Variants in EXOSC10 observed in about 807,000 individuals in gnomAD.
EXOSC10 encodes exosome complex component 10.
EXOSC10 carries 94 observed loss-of-function variants against 126.6 expected under a neutral mutation model. The ratio of observed to expected loss-of-function variants is 0.74; its 90% CI spans 0.63 to 0.88. The LOEUF (loss-of-function observed/expected upper bound fraction) is 0.88, where lower values mean the gene tolerates loss of function less well. EXOSC10 is among the 40% of genes least tolerant of loss of function. The pLI, the probability that EXOSC10 is intolerant of heterozygous loss-of-function variation, is 0.00. For synonymous variants in EXOSC10, 395 were observed against 400.8 expected (o/e 0.99, Z 0.17); for missense variants, 1,041 against 1,100.5 (o/e 0.95, Z 0.77).
chr1:11,087,996 T>A (rs1385567727), intron 7 of EXOSC10, 86 bp from the exon 8 acceptor site: 2 of 1,248,678 alleles, frequency 1.6e-6, no homozygotes, highest in Non-Finnish European at 2.3e-6. Flanking sequence ...GTTTGAGAAA[T>A]GACCCAAAAC....
intron 2 of EXOSC10, 90 bp from the exon 3 acceptor site, chr1:11,095,971 G>T: frequency 2.2e-6 from 3 of 1,375,020 alleles, no homozygotes; most frequent in Non-Finnish European, 3.0e-6. Flanking sequence ...ATGTGGCTCA[G>T]ACTGTTCCCA....
intron 17 of EXOSC10, among the ~76,000 whole-genome samples, chr1:11,076,016 T>C (rs1273018370): frequency 6.6e-6 from 1 of 151,324 alleles, no homozygotes; most frequent in Non-Finnish European, 1.5e-5. Context: ...ATATAAAATA[T>C]TAGCTAAGTA....
chr1:11,098,235 A>G, intron 1 of EXOSC10, 79 bp from the exon 2 acceptor site: 1 of 1,479,886 alleles, frequency 6.8e-7, no homozygotes, highest in Non-Finnish European at 9.0e-7. Context: ...GATCTATCGT[A>G]TACAAGGTAT....
chr1:11,076,146 C>A (rs1639803921), intron 17 of EXOSC10, among the ~76,000 whole-genome samples: 1 of 152,038 alleles, frequency 6.6e-6, no homozygotes, highest in African/African-American at 2.4e-5. Context: ...GCCTGTGCAA[C>A]AAGAGCGAAA....
intron 10 of EXOSC10, 52 bp from the exon 11 acceptor site, chr1:11,081,290 C>A: frequency 1.3e-6 from 2 of 1,598,940 alleles, no homozygotes; most frequent in South Asian, 2.2e-5. Flanking sequence ...GACAGCAATT[C>A]AATTTGTCTA....
intron 17 of EXOSC10, among the ~76,000 whole-genome samples, chr1:11,075,743 C>T (rs1639772707): frequency 2.0e-5 from 3 of 149,384 alleles, no homozygotes; most frequent in African/African-American, 7.4e-5. Flanking sequence ...CCCAGCTACT[C>T]GAGAGAAGGC....
chr1:11,079,017 TAA>T (rs1408388892), intron 14 of EXOSC10, among the ~76,000 whole-genome samples: 1 of 152,058 alleles, frequency 6.6e-6, no homozygotes, highest in Admixed American at 6.6e-5. Context: ...CCACAAGGAA[TAA>T]GACACTAGCA....
At chr1:11,089,431 G>A in intron 6 of EXOSC10, among the ~76,000 whole-genome samples, 1 of 149,892 alleles carries the variant, frequency 6.7e-6, no homozygotes, top group Middle Eastern at 3.2e-3. Flanking sequence ...CCAACATGAT[G>A]AAACCCTGTC....
chr1:11,075,853 CAAAAAAAA>C lies in EXOSC10; in HGVS notation c.1986+981_1986+988del, dbSNP rs58667041. ...TGGGTGACAGGATGAGATCCTGTCA[CAAAAAAAA>C]AAAAAAAAAAAAAAAAAAAAAATGC... On this transcript the variant is annotated intron_variant, in intron 17 of 24. Transcript: ENST00000376936. Among the ~76,000 whole-genome samples the C allele has an allele frequency of 7.4e-3, 258 of 35,102 alleles. 1 individual carries two copies. The highest frequency in any genetic ancestry group is 0.031 in the African/African-American group (240 of 7,628). The allele number at this position is 35,102 out of a possible 152,430, so 23.0% of individuals were successfully genotyped here.
chr1:11,092,311 T>TTCAA (rs1361903034), intron 3 of EXOSC10, among the ~76,000 whole-genome samples: 1 of 151,874 alleles, frequency 6.6e-6, no homozygotes, highest in African/African-American at 2.4e-5. Flanking sequence ...GCCTCCCGGG[T>TTCAA]TCAAGCGATT....
rs368720572 is a variant in EXOSC10, at chr1:11,084,072, G to C, written c.1090-1194C>G. Among the ~76,000 whole-genome samples, 3 of 152,208 alleles carry C rather than the reference G, an allele frequency of 2.0e-5. No homozygotes were observed. The South Asian group carries it at 6.2e-4, about 32-fold the overall frequency. ...TTCCAAGTCTTTACTATTGTGAATA[G>C]TGCCGCAATAAACATATGTGTGCAT... On this transcript the variant is annotated intron_variant, in intron 9 of 24. Transcript: ENST00000376936.
chr1:11,079,540 T>C (rs1341923029), intron 14 of EXOSC10, among the ~76,000 whole-genome samples, 171 bp downstream of exon 14: 5 of 150,918 alleles, frequency 3.3e-5, no homozygotes, highest in Admixed American at 6.6e-5. Context: ...ATTACAGGCG[T>C]GCACCACACG....
chr1:11,088,606 T>A (rs1640627593), intron 6 of EXOSC10, among the ~76,000 whole-genome samples: 1 of 152,250 alleles, frequency 6.6e-6, no homozygotes, highest in African/African-American at 2.4e-5. Context: ...ATATTTTTTC[T>A]GATCCTAAGA....
intron 17 of EXOSC10, among the ~76,000 whole-genome samples, chr1:11,075,663 C>T (rs1027165470): frequency 2.2e-4 from 34 of 151,930 alleles, no homozygotes; most frequent in Admixed American, 1.3e-4. Context: ...GAAGCCTGGG[C>T]GACATGGTGA....
chr1:11,089,914 A>G (rs1433860496), intron 6 of EXOSC10, among the ~76,000 whole-genome samples: 1 of 151,924 alleles, frequency 6.6e-6, no homozygotes, highest in Non-Finnish European at 1.5e-5. Context: ...ACCACACTCC[A>G]GTCTGGGCGA....
rs763871842 is a variant in EXOSC10 at position 11,080,563 on chromosome 1, A to AAACAC, written c.1587-15_1587-14insGTGTT. ...GGCAGTACATATCTGGAAAAAAAAA[A>AAACAC]ACACACACACACACACACACACACA... On this transcript the variant is annotated splice_polypyrimidine_tract_variant and intron_variant, in intron 12 of 24. Coordinates refer to ENST00000376936, the MANE Select transcript of EXOSC10 (RefSeq NM_001001998.3). 4.9e-6 allele frequency: 7 copies of AAACAC among 1,423,380 alleles called. No homozygotes were observed. Among genetic ancestry groups the AAACAC allele is most frequent in the East Asian group, 2.4e-5 (1 of 42,056 alleles). The allele number at this position is 1,423,380 out of a possible 1,614,324, so 88.2% of individuals were successfully genotyped here.
Position 11,095,897 on chromosome 1 carries a change from C to G in EXOSC10, c.249-16G>C, listed in dbSNP as rs755161442. On this transcript the variant is annotated splice_polypyrimidine_tract_variant and intron_variant, in intron 2 of 24. Transcript: ENST00000376936. ...TCTGCTCATGCTAAGGAAAGGAAAA[C>G]CAAGGTTAGCTTGTAGATTTTTATT... 9 of 1,606,686 alleles carry G rather than the reference C, an allele frequency of 5.6e-6. No individual in the cohort carries two copies. Among genetic ancestry groups the G allele is most frequent in the Non-Finnish European group, 6.8e-6 (8 of 1,175,308 alleles).
intron 6 of EXOSC10, among the ~76,000 whole-genome samples, chr1:11,088,427 G>A (rs1264376066): frequency 1.3e-5 from 2 of 152,260 alleles, no homozygotes; most frequent in East Asian, 3.9e-4. Flanking sequence ...TTAGAGAGCT[G>A]GAGACCCAAG....
At chr1:11,091,313 T>C (rs1477462670) in intron 4 of EXOSC10, 134 bp from the exon 5 acceptor site, 10 of 995,940 alleles carry the variant, frequency 1.0e-5, no homozygotes. Context: ...TATGTGCATG[T>C]AGAGGTCTCC....
Sources: gnomAD v4.1 joint callset for allele counts (sites outside exome capture counted in the v4.1 genomes callset) on GRCh38, gnomAD v4.1.1 for gene constraint, MANE v1.5 for transcripts, NCBI Gene and HGNC (gene_info 2026-07-23, HGNC 2026-07-21) for gene names.